Variants in LRRC4C observed in about 807,000 individuals in gnomAD.
The protein encoded by LRRC4C is leucine-rich repeat-containing protein 4C.
LRRC4C carries 5 observed loss-of-function variants against 33.6 expected under a neutral mutation model. The observed-to-expected ratio is 0.15, with a 90% CI of 0.08 to 0.31. The LOEUF is 0.31. Ranked by LOEUF, LRRC4C falls within the 10% of genes least tolerant of loss-of-function variation. LRRC4C has a pLI of 1.00. For synonymous variants in LRRC4C, 329 were observed against 302.0 expected (o/e 1.09, Z -0.93); for missense variants, 560 against 796.7 (o/e 0.70, Z 3.58).
chr11:41,294,481 G>A (rs115673233), intron 1 of LRRC4C, among the ~76,000 whole-genome samples: 1,673 of 152,242 alleles, frequency 0.011, 26 homozygotes, highest in African/African-American at 0.038. Flanking sequence ...GGGTATACAT[G>A]AGTAATTGAA....
chr11:40,193,922 GAACA>G (rs1189290335), intron 5 of LRRC4C, among the ~76,000 whole-genome samples: 1 of 152,038 alleles, frequency 6.6e-6, no homozygotes, highest in Non-Finnish European at 1.5e-5. Flanking sequence ...GAATGCAAAG[GAACA>G]AACAAAGCCT....
intron 3 of LRRC4C, among the ~76,000 whole-genome samples, chr11:40,599,709 A>G (rs1317713083): frequency 6.6e-6 from 1 of 152,230 alleles, no homozygotes; most frequent in African/African-American, 2.4e-5. Context: ...TATCCAATAA[A>G]TATTTGTTGG....
chr11:41,257,691 G>A (rs1591081756), intron 1 of LRRC4C, among the ~76,000 whole-genome samples: 1 of 152,182 alleles, frequency 6.6e-6, no homozygotes, highest in East Asian at 1.9e-4. Context: ...AAGGTGAAGA[G>A]TGAATCTGGG....
intron 3 of LRRC4C, among the ~76,000 whole-genome samples, chr11:40,614,121 G>T (rs939269343): frequency 2.0e-5 from 3 of 151,816 alleles, no homozygotes; most frequent in African/African-American, 7.2e-5. Context: ...GTCCCTTGAA[G>T]CTTTGAAGCC....
intron 1 of LRRC4C, among the ~76,000 whole-genome samples, chr11:41,098,995 G>A: frequency 6.6e-6 from 1 of 151,978 alleles, no homozygotes. Context: ...TAATGATAAA[G>A]GGGACTTTAC....
At chr11:40,503,698 C>T (rs1053804447) in intron 3 of LRRC4C, among the ~76,000 whole-genome samples, 3 of 152,162 alleles carry the variant, frequency 2.0e-5, no homozygotes, top group African/African-American at 7.2e-5. Context: ...TTACCACATT[C>T]TTAAATTTTT....
chr11:41,413,541 T>A (rs561458872), intron 1 of LRRC4C, among the ~76,000 whole-genome samples: 17 of 152,286 alleles, frequency 1.1e-4, no homozygotes, highest in Admixed American at 1.1e-3. Context: ...CTCAGAAGAA[T>A]CTGAGTTTAG....
intron 1 of LRRC4C, among the ~76,000 whole-genome samples, chr11:41,422,064 A>G (rs1175503231): frequency 6.6e-6 from 1 of 152,100 alleles, no homozygotes; most frequent in Admixed American, 6.6e-5. Context: ...CCAGTAGAAG[A>G]AAACTGCATT....
At chr11:41,179,445 G>A (rs1369581678) in intron 1 of LRRC4C, among the ~76,000 whole-genome samples, 1 of 152,172 alleles carries the variant, frequency 6.6e-6, no homozygotes, top group Non-Finnish European at 1.5e-5. Flanking sequence ...TGATCTGGAA[G>A]CCAATTTCAC....
intron 1 of LRRC4C, among the ~76,000 whole-genome samples, chr11:41,102,876 GAAT>G (rs1333309139): frequency 6.6e-6 from 1 of 151,912 alleles, no homozygotes; most frequent in African/African-American, 2.4e-5. Flanking sequence ...TGTAAAGCTT[GAAT>G]AATAATACTT....
At chr11:40,970,960 C>T (rs1417380038) in intron 1 of LRRC4C, among the ~76,000 whole-genome samples, 1 of 152,150 alleles carries the variant, frequency 6.6e-6, no homozygotes, top group African/African-American at 2.4e-5. Context: ...AAGAATTGAC[C>T]TGGCTGCTTC....
At chr11:40,965,810 C>A (rs934491750) in intron 1 of LRRC4C, among the ~76,000 whole-genome samples, 1 of 152,138 alleles carries the variant, frequency 6.6e-6, no homozygotes, top group Admixed American at 6.6e-5. Flanking sequence ...CGTGATGCCT[C>A]CAACTTTGTT....
intron 1 of LRRC4C, among the ~76,000 whole-genome samples, chr11:41,448,122 G>GGTTTTGTTTTTTTTTTTT (rs1554934483): frequency 2.1e-5 from 1 of 46,948 alleles, no homozygotes; most frequent in Non-Finnish European, 4.4e-5. Flanking sequence ...GCACACGTCT[G>GGTTTTGTTTTTTTTTTTT]TTTTTTTTTT....
At chr11:40,365,394 A>G (rs778878422) in intron 3 of LRRC4C, among the ~76,000 whole-genome samples, 7 of 152,056 alleles carry the variant, frequency 4.6e-5, no homozygotes, top group Non-Finnish European at 8.8e-5. Context: ...GCAACCTTAG[A>G]GAAGTTGCTT....
chr11:40,446,432 A>G (rs1951638830), intron 3 of LRRC4C: 1 of 152,178 alleles, frequency 6.6e-6, no homozygotes. Context: ...TGCTAAAATT[A>G]TACGTTTCCT....
At chr11:40,481,809 T>C (rs938931858) in intron 3 of LRRC4C, among the ~76,000 whole-genome samples, 6 of 152,142 alleles carry the variant, frequency 3.9e-5, no homozygotes, top group Admixed American at 3.3e-4. Context: ...TTTCAAAGAA[T>C]TGAGATATCA....
At chr11:40,500,632 T>C (rs1954713810) in intron 3 of LRRC4C, among the ~76,000 whole-genome samples, 1 of 152,012 alleles carries the variant, frequency 6.6e-6, no homozygotes, top group Non-Finnish European at 1.5e-5. Context: ...ACTTATTCAG[T>C]ACCACAGGTA....
At chr11:40,797,743 A>T (rs1950889946) in intron 2 of LRRC4C, among the ~76,000 whole-genome samples, 3 of 152,176 alleles carry the variant, frequency 2.0e-5, no homozygotes, top group Admixed American at 2.0e-4. Flanking sequence ...CCTTTCCTGT[A>T]AATAAAATTT....
At chr11:41,053,212 A>T (rs1858373247) in intron 1 of LRRC4C, among the ~76,000 whole-genome samples, 1 of 152,198 alleles carries the variant, frequency 6.6e-6, no homozygotes, top group South Asian at 2.1e-4. Flanking sequence ...TGGTAAAGGT[A>T]ATGGAATGTC....
Sources: gnomAD v4.1 joint callset for allele counts (sites outside exome capture counted in the v4.1 genomes callset) on GRCh38, gnomAD v4.1.1 for gene constraint, MANE v1.5 for transcripts, NCBI Gene and HGNC (gene_info 2026-07-23, HGNC 2026-07-21) for gene names.